Variants in TAF3 observed in about 807,000 individuals in gnomAD.
TAF3 encodes transcription initiation factor TFIID subunit 3.
TAF3 carries 7 observed loss-of-function variants against 80.6 expected under a neutral mutation model. The ratio of observed to expected loss-of-function variants is 0.09; its 90% CI spans 0.05 to 0.16. The LOEUF is 0.16. Ranked by LOEUF, TAF3 falls within the 10% of genes least tolerant of loss-of-function variation. TAF3 has a pLI of 1.00. For missense variants in TAF3, 921 were observed against 1,140.2 expected (o/e 0.81, Z 2.77); for synonymous variants, 444 against 446.1 (o/e 1.00, Z 0.06).
intron 2 of TAF3, among the ~76,000 whole-genome samples, chr10:7,882,548 T>C (rs1303502821): frequency 1.3e-5 from 2 of 152,172 alleles, no homozygotes; most frequent in African/African-American, 4.8e-5. Context: ...GGAAATAACA[T>C]TGTAACCACA....
At chr10:7,982,306 AAAG>A (rs1471745811) in intron 4 of TAF3, among the ~76,000 whole-genome samples, 1 of 152,224 alleles carries the variant, frequency 6.6e-6, no homozygotes, top group Non-Finnish European at 1.5e-5. Flanking sequence ...AGGGAAGAAA[AAAG>A]AAGCAAATGA....
chr10:7,988,194 G>C (rs1417519253), intron 4 of TAF3, among the ~76,000 whole-genome samples: 1 of 152,170 alleles, frequency 6.6e-6, no homozygotes, highest in Non-Finnish European at 1.5e-5. Context: ...GGGTAGGGTA[G>C]CTCATGCCTA....
chr10:7,944,031 C>T (rs576991615), intron 2 of TAF3, among the ~76,000 whole-genome samples: 1 of 150,238 alleles, frequency 6.7e-6, no homozygotes, highest in South Asian at 2.1e-4. Context: ...AATGCAAAAC[C>T]ATGAATCCAT....
rs56395044 is a variant in TAF3 at position 7,988,752 on chromosome 10, G to GAA, written c.2315+11447_2315+11448dup. On this transcript the variant is annotated intron_variant, in intron 4 of 6. Transcript: ENST00000344293. The stretch of plus-strand genomic sequence containing the variant: ...CAATAGAGTGAGATTCTGTCTCTCA[G>GAA]AAAAAAAAAAAAAAAAAAATCAAGA... Among the ~76,000 whole-genome samples the GAA allele has an allele frequency of 2.3e-3, 210 of 92,830 alleles. 3 individuals carry two copies. Among genetic ancestry groups the GAA allele is most frequent in the Middle Eastern group, 0.011 (2 of 176 alleles). 60.9% of individuals were successfully genotyped at this position (92,830 alleles called of 152,430 possible).
intron 2 of TAF3, among the ~76,000 whole-genome samples, chr10:7,947,384 A>G (rs2095822551): frequency 7.7e-6 from 1 of 130,332 alleles, no homozygotes; most frequent in Admixed American, 7.9e-5. Flanking sequence ...TAAAAGGTGT[A>G]GTTCCTTCCA....
At chr10:7,976,118 A>T (rs1479088929) in intron 3 of TAF3, among the ~76,000 whole-genome samples, 1 of 152,138 alleles carries the variant, frequency 6.6e-6, no homozygotes, top group Non-Finnish European at 1.5e-5. Context: ...TTAACATCAG[A>T]CTTAGTTTCT....
intron 5 of TAF3, among the ~76,000 whole-genome samples, chr10:8,011,590 C>G (rs1355663922): frequency 1.3e-5 from 2 of 152,094 alleles, no homozygotes; most frequent in Non-Finnish European, 2.9e-5. Context: ...ATTAAATTTC[C>G]TTAAAGGAGT....
At chr10:7,845,553 A>G (rs191336587) in intron 2 of TAF3, among the ~76,000 whole-genome samples, 4 of 152,330 alleles carry the variant, frequency 2.6e-5, no homozygotes, top group African/African-American at 9.6e-5. Context: ...TGTGTTTGAG[A>G]TAGGTGGTAA....
At chr10:7,823,583 C>A (rs1836710300) in intron 1 of TAF3, among the ~76,000 whole-genome samples, 1 of 151,430 alleles carries the variant, frequency 6.6e-6, no homozygotes, top group African/African-American at 2.4e-5. Flanking sequence ...CAGCAAGGAG[C>A]TGTGATCATA....
At chr10:7,853,163 TA>T (rs1288032138) in intron 2 of TAF3, among the ~76,000 whole-genome samples, 1 of 152,184 alleles carries the variant, frequency 6.6e-6, no homozygotes, top group Non-Finnish European at 1.5e-5. Flanking sequence ...AGCCTTTATT[TA>T]AAAAAATCAT....
At chr10:7,966,660 T>C (rs1046195145) in intron 3 of TAF3, among the ~76,000 whole-genome samples, 6 of 152,208 alleles carry the variant, frequency 3.9e-5, no homozygotes, top group Admixed American at 6.5e-5. Context: ...TTCTTTGAGC[T>C]TGGCCACAAA....
Position 7,863,068 on chromosome 10 carries a change from A to G in TAF3, c.409+38508A>G, listed in dbSNP as rs181489391. 1.6e-4 allele frequency among the ~76,000 whole-genome samples: 25 copies of G among 152,320 alleles called. No individual in the cohort carries two copies. In the East Asian group the frequency reaches 4.8e-3, roughly 29 times the overall value. ...GGCTGTGAACAATAAGCTATGCTTT[A>G]TCTCTGACCTAGGAGTCTGATGTCT... On this transcript the variant is annotated intron_variant, in intron 2 of 6. Coordinates refer to ENST00000344293, the MANE Select transcript of TAF3 (RefSeq NM_031923.4).
chr10:7,819,934 C>T (rs1020867704), intron 1 of TAF3, among the ~76,000 whole-genome samples: 1 of 152,164 alleles, frequency 6.6e-6, no homozygotes, highest in African/African-American at 2.4e-5. Context: ...CTGATCCTGT[C>T]ATTATTCTTA....
rs79410253 is a variant in TAF3 at position 8,010,965 on chromosome 10, A to T, written c.2568+1635A>T. 8.5e-5 allele frequency among the ~76,000 whole-genome samples: 13 copies of T among 152,250 alleles called. No homozygotes were observed. In the East Asian group the frequency reaches 2.5e-3, roughly 29 times the overall value. ...TCCACTGAGTCCACATTGTTCTGGG[A>T]CTGTTTTTTAGTTTCTTACTCCCTG... On this transcript the variant is annotated intron_variant, in intron 5 of 6. Transcript: ENST00000344293.
intron 5 of TAF3, among the ~76,000 whole-genome samples, chr10:8,010,895 C>T (rs1171418976): frequency 4.6e-5 from 7 of 151,904 alleles, no homozygotes; most frequent in Admixed American, 6.6e-5. Flanking sequence ...GGGACAAGAG[C>T]GAAACTCCAT....
At chr10:7,920,911 A>T (rs761362994) in intron 2 of TAF3, among the ~76,000 whole-genome samples, 2 of 152,206 alleles carry the variant, frequency 1.3e-5, no homozygotes, top group Non-Finnish European at 2.9e-5. Context: ...TCTTAAAGCT[A>T]ACTGACCTTC....
At chr10:7,956,268 T>C (rs917122639) in intron 2 of TAF3, among the ~76,000 whole-genome samples, 3 of 152,106 alleles carry the variant, frequency 2.0e-5, no homozygotes, top group Non-Finnish European at 4.4e-5. Context: ...GGTGGGCAGA[T>C]CACGAGGTCA....
chr10:7,821,115 G>A (rs1836686033), intron 1 of TAF3, among the ~76,000 whole-genome samples: 1 of 152,184 alleles, frequency 6.6e-6, no homozygotes. Flanking sequence ...GGTCACTGCA[G>A]CTCTTCAGTG....
chr10:7,919,389 G>A (rs193162736), intron 2 of TAF3, among the ~76,000 whole-genome samples: 1 of 152,312 alleles, frequency 6.6e-6, no homozygotes, highest in African/African-American at 2.4e-5. Context: ...CTTGCAGGGT[G>A]TACTGTCCTG....
Sources: gnomAD v4.1 joint callset for allele counts (sites outside exome capture counted in the v4.1 genomes callset) on GRCh38, gnomAD v4.1.1 for gene constraint, MANE v1.5 for transcripts, NCBI Gene and HGNC (gene_info 2026-07-23, HGNC 2026-07-21) for gene names.